Variants in MLLT6 observed in about 807,000 individuals in gnomAD.
MLLT6 encodes the protein MLLT6, PHD finger containing.
MLLT6 carries 22 observed loss-of-function variants against 103.0 expected under a neutral mutation model. The observed-to-expected ratio is 0.21, with a 90% CI of 0.15 to 0.31. The LOEUF (loss-of-function observed/expected upper bound fraction) is 0.31. MLLT6 is among the 10% of genes least tolerant of loss of function. The pLI is 1.00. For synonymous variants in MLLT6, 606 were observed against 623.5 expected (o/e 0.97, Z 0.42); for missense variants, 1,199 against 1,441.7 (o/e 0.83, Z 2.73).
rs780391047 is a variant in MLLT6 at position 38,720,757 on chromosome 17, A to G, written c.2442+10A>G. 3 of 1,612,682 alleles carry G rather than the reference A, an allele frequency of 1.9e-6. No individual in the cohort carries two copies. In the African/African-American group the frequency reaches 4.0e-5, roughly 22 times the overall value. On this transcript the variant is annotated intron_variant, in intron 16 of 19. Coordinates refer to ENST00000621332, the MANE Select transcript of MLLT6 (RefSeq NM_005937.4). ...GTCCACTTCTTCTGAGGTGGGCGCT[A>G]CGAGGAGTGGGGCAGGAAGGAGGGG...
In MLLT6 at chr17:38,729,552, CCCTT is replaced by C. The variant is rs1468266466; in HGVS notation, c.*3958_*3961del. ...TCCCAACCTGTTTCCATGTAGCAGA[CCCTT>C]CCTAGGGAGCAGGGAGGGGAAGCCA... On this transcript the variant is annotated 3_prime_UTR_variant, in exon 20 of 20. Transcript: ENST00000621332. 8.6e-6 allele frequency: 2 copies of C among 233,016 alleles called. No homozygotes were observed. Among genetic ancestry groups the C allele is most frequent in the African/African-American group, 4.4e-5 (2 of 45,266 alleles). The allele number at this position is 233,016 out of a possible 1,614,324, so 14.4% of individuals were successfully genotyped here.
chr17:38,716,788 CAAG>C lies in MLLT6; in HGVS notation c.1459_1461del (p.Lys487del). The C allele has an allele frequency of 6.2e-7, 1 of 1,611,056 alleles. No individual in the cohort carries two copies. Among genetic ancestry groups the C allele is most frequent in the Non-Finnish European group, 8.5e-7 (1 of 1,178,684 alleles). ...CAGGCCGTCCCAAGGGCAGCCGGAA[CAAG>C]GAGGGCACTGGGGGCCCAGCTGCCC... On this transcript the variant is annotated inframe_deletion, in exon 10 of 20. Coordinates refer to ENST00000621332, the MANE Select transcript of MLLT6 (RefSeq NM_005937.4). The surrounding 1 kb of genome is among the most constrained non-coding windows in gnomAD (Gnocchi z 5.6).
intron 18 of MLLT6, among the ~76,000 whole-genome samples, chr17:38,723,448 C>A (rs1020079566): frequency 2.6e-5 from 4 of 151,964 alleles, no homozygotes. Context: ...GCTGAGATGG[C>A]GCCAATACAC....
rs1363751683 is a variant in MLLT6, at chr17:38,720,034, C to T, written c.2155+139C>T. On this transcript the variant is annotated intron_variant, in intron 14 of 19. Coordinates refer to ENST00000621332, the MANE Select transcript of MLLT6 (RefSeq NM_005937.4). ...TGACTCTCGGCCACCCCGGGCCTCACCTCCCATCCCTGCCAGGCCACACGA... is the reference window on the plus strand; with the variant it reads ...TGACTCTCGGCCACCCCGGGCCTCATCTCCCATCCCTGCCAGGCCACACGA... 1.4e-5 allele frequency: 17 copies of T among 1,215,002 alleles called. No individual in the cohort carries two copies. In the Admixed American group the frequency reaches 3.9e-4, roughly 28 times the overall value. 75.3% of individuals were successfully genotyped at this position (1,215,002 alleles called of 1,614,324 possible). A position where few individuals can be genotyped will look rare whatever the true frequency, so the allele number is the denominator to read the frequency against.
chr17:38,712,880 C>G, intron 8 of MLLT6, 91 bp downstream of exon 8: 1 of 874,712 alleles, frequency 1.1e-6, no homozygotes, highest in Non-Finnish European at 1.9e-6. Context: ...AGTCAGGGAC[C>G]TGGGCACCCT....
rs749176873 is a variant in MLLT6, at chr17:38,716,034, C to T, written c.1036+206C>T. 1 of 615,438 alleles carries T rather than the reference C, an allele frequency of 1.6e-6. No individual in the cohort carries two copies. The highest frequency in any genetic ancestry group is 2.9e-6 in the Non-Finnish European group (1 of 349,830). The allele number at this position is 615,438 out of a possible 1,614,324, so 38.1% of individuals were successfully genotyped here. A position where few individuals can be genotyped will look rare whatever the true frequency, so the allele number is the denominator to read the frequency against. On this transcript the variant is annotated intron_variant, in intron 9 of 19. Coordinates refer to ENST00000621332, the MANE Select transcript of MLLT6 (RefSeq NM_005937.4). The surrounding 1 kb of genome is among the most constrained non-coding windows in gnomAD (Gnocchi z 5.6). ...ACTCTCCTCTCCCCTTCAGGGGCCA[C>T]CCCACCAACCTCATAACAGTATTCC...
Position 38,719,888 on chromosome 17 carries a change from C to T in MLLT6, c.2148C>T (p.Gly716=), listed in dbSNP as rs766530705. The change falls in exon 14 of 20, where the codon GGC becomes GGT. Residue 716 remains glycine (G), a synonymous_variant. Transcript: ENST00000621332. The part of the protein sequence containing the change: ...LLEKQGDGEA[G]VNIVEMLKAL... ...AGAAGCAGGGCGACGGGGAGGCCGG[C>T]GTCAACAGTGAGGAGGGGTGGCGCC... is the stretch of plus-strand genomic sequence containing the variant. The T allele has an allele frequency of 1.5e-5, 24 of 1,580,744 alleles. No individual in the cohort carries two copies. Among genetic ancestry groups the T allele is most frequent in the Middle Eastern group, 1.7e-4 (1 of 5,720 alleles).
At chr17:38,710,128 C>A (rs985349599) in intron 6 of MLLT6, among the ~76,000 whole-genome samples, 5 of 152,126 alleles carry the variant, frequency 3.3e-5, no homozygotes, top group African/African-American at 1.2e-4. Context: ...GAAACGAGTC[C>A]CAGGCAGAGG....
At chr17:38,725,372 T>G (rs1487433111) in intron 19 of MLLT6, 185 bp from the exon 20 acceptor site, 1 of 601,598 alleles carries the variant, frequency 1.7e-6, no homozygotes, top group Non-Finnish European at 3.0e-6. Flanking sequence ...GGTGCTCTTC[T>G]GCAGGGTGGT....
At chr17:38,723,356 G>T (rs563024208) in intron 18 of MLLT6, among the ~76,000 whole-genome samples, 162 of 152,244 alleles carry the variant, frequency 1.1e-3, no homozygotes, top group African/African-American at 3.9e-3. Context: ...GCTGGGCGTG[G>T]TGGTGCACGC....
rs769792593 is a variant in MLLT6, at chr17:38,716,457, C to T, written c.1127C>T (p.Ala376Val). 5 of 1,613,836 alleles carry T rather than the reference C, an allele frequency of 3.1e-6. No individual in the cohort carries two copies. The Admixed American group carries it at 8.3e-5, about 27-fold the overall frequency. Residue 376 changes from alanine to valine, a missense_variant, in exon 10 of 20, where the codon GCC becomes GTC. Ala to Val is a moderately conservative substitution (Grantham distance 64). Coordinates refer to ENST00000621332, the MANE Select transcript of MLLT6 (RefSeq NM_005937.4). This position sits in a 1 kb window ranked among gnomAD's most constrained non-coding sequence, Gnocchi z 5.6. ...AAGTACTCCAAGCCCACAGCCCCCG[C>T]CCCTTCAGCCCCTCCTTCTCCCTCA... Reference protein sequence around the residue: ...EDKYSKPTAPAPSAPPSPSAP... With the variant: ...EDKYSKPTAPVPSAPPSPSAP...
At chr17:38,723,333 C>T (rs1325889725) in intron 18 of MLLT6, among the ~76,000 whole-genome samples, 3 of 152,016 alleles carry the variant, frequency 2.0e-5, no homozygotes, top group Non-Finnish European at 4.4e-5. Context: ...AACTGAGTCT[C>T]TACAAAAAAT....
chr17:38,725,178 G>T (rs1386265008), intron 19 of MLLT6: 1 of 546,102 alleles, frequency 1.8e-6, no homozygotes, highest in East Asian at 3.2e-5. Context: ...ATCTGAGCAT[G>T]GGCTCAGAGG....
At position 38,728,186 on chromosome 17, in the gene MLLT6, C is replaced by T. The variant is rs546947187; in HGVS notation, c.*2588C>T. The T allele has an allele frequency of 9.9e-5, 23 of 233,380 alleles. No individual in the cohort carries two copies. The highest frequency in any genetic ancestry group is 4.8e-4 in the African/African-American group (22 of 45,466). The allele number at this position is 233,380 out of a possible 1,614,324, so 14.5% of individuals were successfully genotyped here. The stretch of plus-strand genomic sequence containing the variant: ...TGCAGCCCTCTTCTCCTCTTCCCCC[C>T]CACATCTCTCATGAGAGAGGTAGTG... On this transcript the variant is annotated 3_prime_UTR_variant, in exon 20 of 20. Transcript: ENST00000621332.
Position 38,716,322 on chromosome 17 carries a change from C to G in MLLT6, c.1037-45C>G. 2 of 1,573,066 alleles carry G rather than the reference C, an allele frequency of 1.3e-6. No individual in the cohort carries two copies. Among genetic ancestry groups the G allele is most frequent in the Non-Finnish European group, 1.7e-6 (2 of 1,162,052 alleles). ...GTACACGCGGGAGTGGGAGGGAGTG[C>G]GGGGATCTGGGGTCCAGCTGTAACT... On this transcript the variant is annotated intron_variant, in intron 9 of 19. Coordinates refer to ENST00000621332, the MANE Select transcript of MLLT6 (RefSeq NM_005937.4). The surrounding 1 kb of genome is among the most constrained non-coding windows in gnomAD (Gnocchi z 5.6).
chr17:38,717,884 A>G lies in MLLT6; in HGVS notation c.1873A>G (p.Thr625Ala), dbSNP rs774447853. The change falls in exon 12 of 20, where the codon ACC (threonine) becomes GCC (alanine). Residue 625 changes from threonine (T) to alanine (A), a missense_variant. Thr to Ala is a moderately conservative substitution (Grantham distance 58, BLOSUM62 0). Around this residue, in one of 7 missense-constraint regions of MLLT6, gnomAD observed 1,034 missense variants for 1,091.5 expected, o/e 0.95. Transcript: ENST00000621332. ...LAGSTFSLPS[T>A]HIFGTPMGAV... ...TGGCTCTACCTTTAGCCTCCCTTCT[A>G]CCCACATCTTTGGAACCCCCATGGG... 3 of 1,613,584 alleles carry G rather than the reference A, an allele frequency of 1.9e-6. No homozygotes were observed. The highest frequency in any genetic ancestry group is 2.7e-5 in the African/African-American group (2 of 74,772).
intron 7 of MLLT6, chr17:38,712,241 ACAT>A (rs1905167029): frequency 2.4e-6 from 1 of 415,816 alleles, no homozygotes; most frequent in Admixed American, 6.4e-5. Flanking sequence ...CCTCCCCATG[ACAT>A]CACAGTGTCC....
In MLLT6 at chr17:38,705,447, C is replaced by T. The variant is rs963588377; in HGVS notation, c.-186C>T. 2.4e-6 allele frequency: 1 copy of T among 412,828 alleles called. No individual in the cohort carries two copies. The highest frequency in any genetic ancestry group is 4.2e-5 in the East Asian group (1 of 24,072). The allele number at this position is 412,828 out of a possible 1,614,324, so 25.6% of individuals were successfully genotyped here. Reference sequence around the variant, plus strand: ...GGGGGGGGCGGCCAGACAGAGCGAGCGAGGAGGAGGAGGAGGAGGACGCGG... The same window carrying T: ...GGGGGGGGCGGCCAGACAGAGCGAGTGAGGAGGAGGAGGAGGAGGACGCGG... On this transcript the variant is annotated 5_prime_UTR_variant, in exon 1 of 20. Coordinates refer to ENST00000621332, the MANE Select transcript of MLLT6 (RefSeq NM_005937.4).
rs1209675992 is a variant in MLLT6 at position 38,724,865 on chromosome 17, T to C, written c.3129T>C (p.Ala1043=). The C allele has an allele frequency of 1.9e-6, 3 of 1,567,904 alleles. No homozygotes were observed. The African/African-American group carries it at 4.1e-5, about 21-fold the overall frequency. Residue 1043 remains alanine (A), a synonymous_variant, in exon 19 of 20, where the codon GCT becomes GCC. Coordinates refer to ENST00000621332, the MANE Select transcript of MLLT6 (RefSeq NM_005937.4). This position sits in a 1 kb window ranked among gnomAD's most constrained non-coding sequence, Gnocchi z 5.4. ...ACACAAGTCTCATGGCCGCAGCAGC[T>C]GCAGCTGCAGCAGTAGCAGCAGCAG... ...GNNTSLMAAA[A]AAAAVAAAGG...
Sources: allele counts gnomAD v4.1 joint callset (sites outside exome capture counted in the v4.1 genomes callset), GRCh38; gene constraint gnomAD v4.1.1; regional missense constraint gnomAD v4.1.1; non-coding constraint Gnocchi (gnomAD v3.1); transcripts MANE v1.5; gene names NCBI Gene and HGNC (gene_info 2026-07-23, HGNC 2026-07-21).